DACH1: variants seen among roughly 807,000 people sequenced by gnomAD.
DACH1 encodes the protein dachshund family transcription factor 1, also known as dachshund homolog 1.
Under a neutral mutation model 54.2 loss-of-function variants are expected in DACH1, and 12 were observed. The ratio of observed to expected loss-of-function variants is 0.22; its 90% CI spans 0.14 to 0.36. The LOEUF (loss-of-function observed/expected upper bound fraction) is 0.36, where lower values mean the gene tolerates loss of function less well. Ranked by LOEUF, DACH1 falls within the 10% of genes least tolerant of loss-of-function variation. DACH1 has a pLI of 1.00. For synonymous variants in DACH1, 386 were observed against 366.2 expected (o/e 1.05, Z -0.62); for missense variants, 805 against 929.8 (o/e 0.87, Z 1.75).
chr13:71,619,112 G>GTATA (rs200344596), intron 3 of DACH1, among the ~76,000 whole-genome samples: 12 of 151,286 alleles, frequency 7.9e-5, no homozygotes, highest in African/African-American at 1.2e-4. Flanking sequence ...ATATATATGT[G>GTATA]TGTATATATA....
At chr13:71,634,793 T>C (rs943418836) in intron 2 of DACH1, among the ~76,000 whole-genome samples, 8 of 152,214 alleles carry the variant, frequency 5.3e-5, no homozygotes, top group Non-Finnish European at 1.2e-4. Context: ...TTTTAAACTA[T>C]GCAAATAGCT....
intron 6 of DACH1, among the ~76,000 whole-genome samples, chr13:71,519,886 T>TATATATATATATATATAC (rs1881450709): frequency 8.1e-6 from 1 of 122,768 alleles, no homozygotes; most frequent in Admixed American, 8.2e-5. Flanking sequence ...CAAAGTAGTA[T>TATATATATATATATATAC]ATATATATAT....
chr13:71,708,852 G>GTTTTT (rs11322352), intron 1 of DACH1, among the ~76,000 whole-genome samples: 5 of 120,382 alleles, frequency 4.2e-5, no homozygotes, highest in Non-Finnish European at 6.4e-5. Flanking sequence ...GTTTTTTGTT[G>GTTTTT]TTTTTTTTTT....
intron 1 of DACH1, among the ~76,000 whole-genome samples, chr13:71,746,988 TTGTAGTAACACATA>T (rs1164203686): frequency 1.3e-5 from 2 of 152,172 alleles, no homozygotes; most frequent in Non-Finnish European, 2.9e-5. Flanking sequence ...ACACATAATC[TTGTAGTAACACATA>T]TGTATTAACA....
chr13:71,804,733 T>C (rs1037895620), intron 1 of DACH1, among the ~76,000 whole-genome samples: 2 of 152,192 alleles, frequency 1.3e-5, no homozygotes, highest in Non-Finnish European at 2.9e-5. Flanking sequence ...TCTGTTTCCA[T>C]AAACCTTTCT....
At chr13:71,476,816 T>C (rs528275082) in intron 8 of DACH1, among the ~76,000 whole-genome samples, 2 of 151,934 alleles carry the variant, frequency 1.3e-5, no homozygotes, top group South Asian at 4.1e-4. Context: ...TGGTAACTAC[T>C]CAGCATATGG....
At chr13:71,738,047 C>T (rs755613434) in intron 1 of DACH1, among the ~76,000 whole-genome samples, 4 of 152,142 alleles carry the variant, frequency 2.6e-5, no homozygotes, top group East Asian at 1.9e-4. Flanking sequence ...AGGAGAAAAA[C>T]GGACATATAT....
chr13:71,448,486 C>G (rs939363174), intron 10 of DACH1, among the ~76,000 whole-genome samples: 2 of 152,166 alleles, frequency 1.3e-5, no homozygotes, highest in Non-Finnish European at 1.5e-5. Context: ...CAAGTCATAA[C>G]CCCTCTTCTA....
intron 1 of DACH1, among the ~76,000 whole-genome samples, chr13:71,859,203 A>C (rs1874196075): frequency 6.6e-6 from 1 of 151,792 alleles, no homozygotes; most frequent in African/African-American, 2.4e-5. Flanking sequence ...TCAGAAAGCA[A>C]AAGGACCACA....
At chr13:71,502,899 T>C (rs1178547482) in intron 6 of DACH1, among the ~76,000 whole-genome samples, 1 of 152,240 alleles carries the variant, frequency 6.6e-6, no homozygotes, top group Non-Finnish European at 1.5e-5. Context: ...TAAGCTGGCA[T>C]GCAACATGCT....
chr13:71,664,364 C>G (rs1231554663), intron 2 of DACH1, among the ~76,000 whole-genome samples: 2 of 151,946 alleles, frequency 1.3e-5, no homozygotes, highest in Non-Finnish European at 2.9e-5. Flanking sequence ...AAGAAACAAC[C>G]TGTTCTTTTG....
intron 6 of DACH1, among the ~76,000 whole-genome samples, chr13:71,495,714 T>C (rs1465646124): frequency 1.3e-5 from 2 of 152,160 alleles, no homozygotes; most frequent in Non-Finnish European, 2.9e-5. Flanking sequence ...ATGGTGAGAA[T>C]GTAAATTAGT....
chr13:71,866,897 G>A lies in DACH1; in HGVS notation c.-128C>T. 1.4e-6 allele frequency: 1 copy of A among 691,078 alleles called. No individual in the cohort carries two copies. The highest frequency in any genetic ancestry group is 4.3e-5 in the East Asian group (1 of 23,474). 42.8% of individuals were successfully genotyped at this position (691,078 alleles called of 1,614,324 possible). A position where few individuals can be genotyped will look rare whatever the true frequency, so the allele number is the denominator to read the frequency against. On this transcript the variant is annotated 5_prime_UTR_variant, in exon 1 of 11. Transcript: ENST00000613252. ...GGCAACAACAACTCCGGGAGAGAAC[G>A]AGAAGGAGAAAGGGAGAGAAGGGGG... is the stretch of plus-strand genomic sequence containing the variant.
chr13:71,587,799 C>T (rs1873389783), intron 3 of DACH1, among the ~76,000 whole-genome samples: 1 of 151,972 alleles, frequency 6.6e-6, no homozygotes, highest in Admixed American at 6.6e-5. Flanking sequence ...TACAAATCTT[C>T]TAAAAAGATT....
chr13:71,471,920 G>T (rs1566279359), intron 10 of DACH1, among the ~76,000 whole-genome samples: 1 of 152,118 alleles, frequency 6.6e-6, no homozygotes, highest in Non-Finnish European at 1.5e-5. Flanking sequence ...GTAGGGGCCA[G>T]AGGGGTTTTG....
chr13:71,711,902 A>G (rs902115551), intron 1 of DACH1, among the ~76,000 whole-genome samples: 1 of 152,126 alleles, frequency 6.6e-6, no homozygotes, highest in Non-Finnish European at 1.5e-5. Flanking sequence ...CTAGATCATG[A>G]GAAAGTTCAG....
intron 3 of DACH1, among the ~76,000 whole-genome samples, chr13:71,615,850 C>T (rs1194328898): frequency 6.6e-6 from 1 of 152,006 alleles, no homozygotes. Context: ...TGTATGTACA[C>T]CTTTATTATT....
chr13:71,533,395 T>C (rs1189726187), intron 6 of DACH1, among the ~76,000 whole-genome samples: 3 of 151,956 alleles, frequency 2.0e-5, no homozygotes, highest in Non-Finnish European at 4.4e-5. Flanking sequence ...GAAATTTATA[T>C]CTTTTAGGAC....
chr13:71,471,881 A>G (rs1877113982), intron 10 of DACH1, among the ~76,000 whole-genome samples: 1 of 152,218 alleles, frequency 6.6e-6, no homozygotes, highest in Non-Finnish European at 1.5e-5. Context: ...TTGGCTACAT[A>G]AAATGTACGC....
Sources: allele counts gnomAD v4.1 joint callset (sites outside exome capture counted in the v4.1 genomes callset), GRCh38; gene constraint gnomAD v4.1.1; transcripts MANE v1.5; gene names NCBI Gene and HGNC (gene_info 2026-07-23, HGNC 2026-07-21).